The following SLCO5A1 variants were observed in gnomAD, a reference collection of about 807,000 sequenced individuals.
SLCO5A1 encodes solute carrier organic anion transporter family member 5A1, also known as organic anion transporter polypeptide-related protein 4.
In SLCO5A1, 39 loss-of-function variants were observed where a neutral mutation model predicts 65.1. The observed-to-expected ratio is 0.60, with a 90% confidence interval of 0.46 to 0.78. The LOEUF is 0.78. Ranked by LOEUF, SLCO5A1 falls within the 30% of genes least tolerant of loss-of-function variation. The probability of loss-of-function intolerance (pLI) is 0.00; values close to 1 mark genes in which losing one functional copy is unlikely to be tolerated. For synonymous variants in SLCO5A1, 438 were observed against 415.7 expected (o/e 1.05, Z -0.65); for missense variants, 1,029 against 1,069.4 (o/e 0.96, Z 0.53).
At position 69,749,602 on chromosome 8, in the gene SLCO5A1, T is replaced by A. The variant is rs547763289; in HGVS notation, c.1258+5822A>T. 1.0e-4 allele frequency among the ~76,000 whole-genome samples: 15 copies of A among 150,540 alleles called. No individual in the cohort carries two copies. The South Asian group carries it at 3.0e-3, about 30-fold the overall frequency. On this transcript the variant is annotated intron_variant, in intron 4 of 9. Transcript: ENST00000260126. ...CACTGCACTCCAGAGCAAGACAGAG[T>A]GAGACAAAGCAAGACAGTCTCAAAA...
At position 69,667,942 on chromosome 8, in the gene SLCO5A1, C is replaced by A. The variant is rs1190832743; in HGVS notation, c.*4927G>T. 1 of 152,116 alleles carries A rather than the reference C, an allele frequency of 6.6e-6. No homozygotes were observed. Among genetic ancestry groups the A allele is most frequent in the Non-Finnish European group, 1.5e-5 (1 of 68,006 alleles). The allele number at this position is 152,116 out of a possible 1,614,324, so 9.4% of individuals were successfully genotyped here. A position where few individuals can be genotyped will look rare whatever the true frequency, so the allele number is the denominator to read the frequency against. On this transcript the variant is annotated 3_prime_UTR_variant, in exon 10 of 10. Coordinates refer to ENST00000260126, the MANE Select transcript of SLCO5A1 (RefSeq NM_030958.3). Reference sequence around the variant, plus strand: ...TTTTCTGGAAAATTCTTCAGATTTCCAAACACAAAGTACATGCAGCCACTT... The same window carrying A: ...TTTTCTGGAAAATTCTTCAGATTTCAAAACACAAAGTACATGCAGCCACTT...
At chr8:69,737,687 AATTTTTTTTAACT>A (rs1373289275) in intron 5 of SLCO5A1, among the ~76,000 whole-genome samples, 1 of 152,208 alleles carries the variant, frequency 6.6e-6, no homozygotes, top group African/African-American at 2.4e-5. Context: ...TCAGGTTATC[AATTTTTTTTAACT>A]TAACACTTTA....
At chr8:69,812,007 G>A (rs910662215) in intron 2 of SLCO5A1, among the ~76,000 whole-genome samples, 5 of 152,216 alleles carry the variant, frequency 3.3e-5, no homozygotes, top group Non-Finnish European at 7.3e-5. Flanking sequence ...AGAAACCAGA[G>A]TATAGTTTTG....
At chr8:69,716,911 C>A (rs1815569968) in intron 5 of SLCO5A1, among the ~76,000 whole-genome samples, 1 of 151,962 alleles carries the variant, frequency 6.6e-6, no homozygotes, top group African/African-American at 2.4e-5. Context: ...TCCCAAATAG[C>A]TGGGACTACA....
At chr8:69,750,030 G>T (rs550061302) in intron 4 of SLCO5A1, among the ~76,000 whole-genome samples, 9 of 152,312 alleles carry the variant, frequency 5.9e-5, no homozygotes, top group Admixed American at 1.3e-4. Flanking sequence ...TCTCTGGCAC[G>T]TTTGAGGACC....
rs181670964 is a variant in SLCO5A1, at chr8:69,703,500, G to A, written c.1622+1531C>T. Among the ~76,000 whole-genome samples the A allele has an allele frequency of 1.2e-3, 190 of 152,306 alleles. 2 individuals are homozygous for A. Among genetic ancestry groups the A allele is most frequent in the Non-Finnish European group, 1.2e-3 (79 of 68,024 alleles). On this transcript the variant is annotated intron_variant, in intron 6 of 9. Transcript: ENST00000260126. ...GTTCAAGACCAACCTGGGCAACATAGTGAGACGATGTCTATAAATACATAA... is the reference window on the plus strand; with the variant it reads ...GTTCAAGACCAACCTGGGCAACATAATGAGACGATGTCTATAAATACATAA...
chr8:69,697,691 G>GA (rs1251919600), intron 6 of SLCO5A1, among the ~76,000 whole-genome samples: 5 of 151,868 alleles, frequency 3.3e-5, no homozygotes, highest in Non-Finnish European at 7.4e-5. Flanking sequence ...ACAACACCTT[G>GA]AAAAAAAGTA....
intron 2 of SLCO5A1, among the ~76,000 whole-genome samples, chr8:69,785,363 T>C (rs1264768996): frequency 6.6e-6 from 1 of 152,182 alleles, no homozygotes; most frequent in East Asian, 1.9e-4. Context: ...ATTTAGTAAA[T>C]CTTATTGTAA....
intron 2 of SLCO5A1, among the ~76,000 whole-genome samples, chr8:69,824,353 A>G (rs1266785310): frequency 6.6e-6 from 1 of 152,220 alleles, no homozygotes; most frequent in Non-Finnish European, 1.5e-5. Flanking sequence ...TTTTTTGAAC[A>G]GATCAACAAT....
At chr8:69,709,973 T>C (rs2933045) in intron 5 of SLCO5A1, among the ~76,000 whole-genome samples, 89,974 of 150,090 alleles carry the variant, frequency 0.6, 27,168 homozygotes, top group South Asian at 0.72. Flanking sequence ...TGGTAGCTAG[T>C]GTTCATCCTG....
At chr8:69,693,302 A>G (rs926993791) in intron 6 of SLCO5A1, among the ~76,000 whole-genome samples, 4 of 152,212 alleles carry the variant, frequency 2.6e-5, no homozygotes, top group African/African-American at 9.6e-5. Context: ...TTCATTCTAC[A>G]AAAAGACTGT....
rs187283789 is a variant in SLCO5A1, at chr8:69,688,295, G to A, written c.1623-5952C>T. On this transcript the variant is annotated intron_variant, in intron 6 of 9. Transcript: ENST00000260126. Reference sequence around the variant, plus strand: ...TTCTCAGAAACTTCCGTTAAAATTAGTAATATCTACAATAAATGATTTTGA... The same window carrying A: ...TTCTCAGAAACTTCCGTTAAAATTAATAATATCTACAATAAATGATTTTGA... Among the ~76,000 whole-genome samples, 364 of 152,114 alleles carry A rather than the reference G, an allele frequency of 2.4e-3. 1 individual carries two copies. Among genetic ancestry groups the A allele is most frequent in the Non-Finnish European group, 3.8e-3 (257 of 67,994 alleles).
At chr8:69,710,569 G>A (rs996556122) in intron 5 of SLCO5A1, among the ~76,000 whole-genome samples, 14 of 152,080 alleles carry the variant, frequency 9.2e-5, no homozygotes, top group Admixed American at 4.6e-4. Flanking sequence ...TGCTATCAAT[G>A]TGATTAATTT....
intron 2 of SLCO5A1, among the ~76,000 whole-genome samples, chr8:69,828,636 A>G (rs894268732): frequency 2.0e-5 from 3 of 151,960 alleles, no homozygotes; most frequent in Non-Finnish European, 4.4e-5. Context: ...AGAAGGAGGA[A>G]AGAAAATGAA....
intron 2 of SLCO5A1, among the ~76,000 whole-genome samples, chr8:69,815,586 T>G (rs1377004834): frequency 1.3e-5 from 2 of 151,546 alleles, no homozygotes; most frequent in Non-Finnish European, 2.9e-5. Context: ...TTTTCCACAA[T>G]TCCTTGTCTT....
chr8:69,769,043 G>C (rs1051353931), intron 2 of SLCO5A1, among the ~76,000 whole-genome samples: 1 of 152,094 alleles, frequency 6.6e-6, no homozygotes, highest in Non-Finnish European at 1.5e-5. Context: ...CTAGTCCCCA[G>C]AGTCTGCTGT....
intron 2 of SLCO5A1, among the ~76,000 whole-genome samples, chr8:69,770,422 C>A (rs541338800): frequency 1.1e-4 from 17 of 152,168 alleles, no homozygotes; most frequent in Non-Finnish European, 1.5e-5. Context: ...TAGTGAGACC[C>A]ATCTTTATTA....
At position 69,685,942 on chromosome 8, in the gene SLCO5A1, T is replaced by C. The variant is rs368722621; in HGVS notation, c.1623-3599A>G. Among the ~76,000 whole-genome samples the C allele has an allele frequency of 3.3e-5, 5 of 151,436 alleles. No individual in the cohort carries two copies. In the East Asian group the frequency reaches 9.6e-4, roughly 29 times the overall value. ...TCAAACACTTTCTGCTATAGGGTCA[T>C]TACAGCTAAGTATGTAAGAACACAG... On this transcript the variant is annotated intron_variant, in intron 6 of 9. Coordinates refer to ENST00000260126, the MANE Select transcript of SLCO5A1 (RefSeq NM_030958.3).
At chr8:69,694,595 C>T (rs1266021558) in intron 6 of SLCO5A1, among the ~76,000 whole-genome samples, 1 of 152,210 alleles carries the variant, frequency 6.6e-6, no homozygotes, top group Non-Finnish European at 1.5e-5. Flanking sequence ...AAATGTAGCT[C>T]ACACCCTGCT....
Sources: gnomAD v4.1 joint callset for allele counts (sites outside exome capture counted in the v4.1 genomes callset) on GRCh38, gnomAD v4.1.1 for gene constraint, MANE v1.5 for transcripts, NCBI Gene and HGNC (gene_info 2026-07-23, HGNC 2026-07-21) for gene names.